MRTFB: variants seen among roughly 807,000 people sequenced by gnomAD.
MRTFB encodes myocardin-related transcription factor B.
In MRTFB, 29 loss-of-function variants were observed where a neutral mutation model predicts 104.2. The ratio of observed to expected loss-of-function variants is 0.28; its 90% confidence interval spans 0.21 to 0.38. MRTFB has a LOEUF of 0.38. Ranked by LOEUF, MRTFB falls within the 10% of genes least tolerant of loss-of-function variation. The probability of loss-of-function intolerance (pLI) is 1.00; values close to 1 mark genes in which losing one functional copy is unlikely to be tolerated. For synonymous variants in MRTFB, 535 were observed against 519.5 expected, an observed-to-expected ratio of 1.03 and a Z score of -0.41; for missense variants, 1,270 against 1,341.6, an observed-to-expected ratio of 0.95 and a Z score of 0.83.
the MRTFB span, among the ~76,000 whole-genome samples, chr16:13,999,264 A>G: frequency 6.6e-6 from 1 of 152,062 alleles, no homozygotes; most frequent in African/African-American, 2.4e-5. Context: ...GAAACTGCAA[A>G]ATGAATAAAC....
chr16:14,254,776 C>A (rs1238216828), intron 15 of MRTFB, among the ~76,000 whole-genome samples: 4 of 152,178 alleles, frequency 2.6e-5, no homozygotes, highest in Non-Finnish European at 5.9e-5. Context: ...AACATTTATC[C>A]ATAACATGCA....
intron 2 of MRTFB, among the ~76,000 whole-genome samples, chr16:14,089,756 A>C (rs1596768092): frequency 6.6e-6 from 1 of 152,320 alleles, no homozygotes; most frequent in East Asian, 1.9e-4. Context: ...TGTTCTCAGC[A>C]ACATTTGAGG....
At chr16:14,082,814 T>TA (rs1242190442) in intron 2 of MRTFB, among the ~76,000 whole-genome samples, 1 of 151,956 alleles carries the variant, frequency 6.6e-6, no homozygotes, top group Non-Finnish European at 1.5e-5. Flanking sequence ...ATAAAGTAAA[T>TA]AAAATGACAA....
intron 3 of MRTFB, among the ~76,000 whole-genome samples, chr16:14,155,082 C>T (rs2142834813): frequency 6.6e-6 from 1 of 152,302 alleles, no homozygotes. Context: ...CATCATCTTG[C>T]TCTATGTATA....
At chr16:14,121,375 GCTT>G (rs1251408833) in intron 2 of MRTFB, among the ~76,000 whole-genome samples, 2 of 152,172 alleles carry the variant, frequency 1.3e-5, no homozygotes, top group African/African-American at 2.4e-5. Context: ...AACCACTTCT[GCTT>G]CTGCTGAGAA....
chr16:14,028,703 G>A, the MRTFB span, among the ~76,000 whole-genome samples: 9 of 152,304 alleles, frequency 5.9e-5, no homozygotes, highest in East Asian at 7.7e-4. Flanking sequence ...CTAGTTGTGC[G>A]ATCTTGGAAC....
chr16:14,185,292 A>C (rs2903464), intron 3 of MRTFB, among the ~76,000 whole-genome samples: 17,223 of 152,170 alleles, frequency 0.11, 2,241 homozygotes, highest in African/African-American at 0.32. Flanking sequence ...GGTTTAGTGC[A>C]CACCAGCCTT....
chr16:14,142,234 A>G (rs1597047215), intron 3 of MRTFB: 1 of 139,160 alleles, frequency 7.2e-6, no homozygotes, highest in African/African-American at 2.9e-5. Context: ...TAAACCTTCC[A>G]TCTTTTCTTT....
At chr16:14,157,953 A>T (rs571255207) in intron 3 of MRTFB, among the ~76,000 whole-genome samples, 1 of 152,310 alleles carries the variant, frequency 6.6e-6, no homozygotes, top group African/African-American at 2.4e-5. Context: ...TGAAAATGTA[A>T]TTATTTGAAT....
chr16:14,023,949 G>GC, the MRTFB span, among the ~76,000 whole-genome samples: 3 of 152,034 alleles, frequency 2.0e-5, no homozygotes, highest in African/African-American at 7.2e-5. Context: ...TACTTGGGAG[G>GC]CTGAGGCAGG....
At chr16:14,067,017 C>T (rs1041342188), upstream of MRTFB, among the ~76,000 whole-genome samples, 3 of 152,070 alleles carry the variant, frequency 2.0e-5, no homozygotes, top group South Asian at 2.1e-4. Flanking sequence ...AATAACGCCC[C>T]GTGGTCTTGT....
At chr16:13,999,551 T>C in the MRTFB span, among the ~76,000 whole-genome samples, 3 of 150,534 alleles carry the variant, frequency 2.0e-5, no homozygotes, top group East Asian at 1.9e-4. Flanking sequence ...CTCTTTTGCA[T>C]GGGAGCCATC....
the MRTFB span, among the ~76,000 whole-genome samples, chr16:14,031,800 G>A: frequency 2.0e-4 from 31 of 151,974 alleles, no homozygotes; most frequent in Middle Eastern, 3.4e-3. Flanking sequence ...GTCTGTGTTC[G>A]TGAGGTGACT....
At chr16:14,240,919 C>G in intron 10 of MRTFB, 6 of 609,580 alleles carry the variant, frequency 9.8e-6, no homozygotes, top group Non-Finnish European at 1.5e-5. Context: ...CGAGAAGGGC[C>G]TTTCCAGGCA....
At chr16:14,095,709 G>A (rs928752665) in intron 2 of MRTFB, among the ~76,000 whole-genome samples, 1 of 152,088 alleles carries the variant, frequency 6.6e-6, no homozygotes, top group South Asian at 2.1e-4. Flanking sequence ...TCTGCTTTTG[G>A]ATACTTTTCT....
chr16:14,060,451 T>G, the MRTFB span, among the ~76,000 whole-genome samples: 7 of 152,324 alleles, frequency 4.6e-5, no homozygotes, highest in Non-Finnish European at 1.0e-4. Flanking sequence ...CTCTCATATA[T>G]TCTCACTTCA....
chr16:14,210,869 G>C (rs2041162700), intron 4 of MRTFB, among the ~76,000 whole-genome samples: 1 of 152,066 alleles, frequency 6.6e-6, no homozygotes, highest in African/African-American at 2.4e-5. Context: ...TTTGAGAGTT[G>C]ATTAATTTTA....
intron 6 of MRTFB, among the ~76,000 whole-genome samples, chr16:14,216,543 C>T (rs1157486262): frequency 6.6e-6 from 1 of 152,070 alleles, no homozygotes; most frequent in Non-Finnish European, 1.5e-5. Flanking sequence ...CCATTAATTA[C>T]TGTATATTAT....
At chr16:14,064,246 C>T in the MRTFB span, among the ~76,000 whole-genome samples, 2 of 152,062 alleles carry the variant, frequency 1.3e-5, no homozygotes, top group African/African-American at 2.4e-5. Context: ...AGCATTTTTT[C>T]GTATGCTTGT....
Sources: gnomAD v4.1 joint callset for allele counts (sites outside exome capture counted in the v4.1 genomes callset) on GRCh38, gnomAD v4.1.1 for gene constraint, MANE v1.5 for transcripts, NCBI Gene and HGNC (gene_info 2026-07-23, HGNC 2026-07-21) for gene names.